Variants in PTPRD observed in about 807,000 individuals in gnomAD.
PTPRD encodes the protein receptor-type tyrosine-protein phosphatase delta.
PTPRD carries 34 observed loss-of-function variants against 214.5 expected under a neutral mutation model. That is an observed-to-expected ratio of 0.16 (90% CI 0.12 to 0.21). The LOEUF (loss-of-function observed/expected upper bound fraction) is 0.21, where lower values mean the gene tolerates loss of function less well. PTPRD is among the 10% of genes least tolerant of loss of function. The pLI is 1.00. For missense variants in PTPRD, 2,545 were observed against 2,398.7 expected, an observed-to-expected ratio of 1.06 and a Z score of -1.27; for synonymous variants, 1,128 against 845.7, an observed-to-expected ratio of 1.33 and a Z score of -5.79.
intron 8 of PTPRD, among the ~76,000 whole-genome samples, chr9:9,410,567 C>G (rs1483413949): frequency 6.6e-6 from 1 of 152,062 alleles, no homozygotes; most frequent in East Asian, 1.9e-4. Flanking sequence ...AGCCAGAACC[C>G]GACTATGAAT....
intron 12 of PTPRD, among the ~76,000 whole-genome samples, chr9:8,708,704 A>AAAAAAAAAAAAAAAAAAAAAAAAAAAAAC (rs748191308): frequency 8.1e-6 from 1 of 123,668 alleles, no homozygotes. Context: ...AAAAAAAAAA[A>AAAAAAAAAAAAAAAAAAAAAAAAAAAAAC]CAGAGCTACC....
chr9:8,540,285 T>C (rs187502701), intron 14 of PTPRD, among the ~76,000 whole-genome samples: 38 of 152,284 alleles, frequency 2.5e-4, no homozygotes, highest in Admixed American at 1.8e-3. Context: ...TTCTTAAATA[T>C]ATACTTTATT....
chr9:10,595,500 C>G (rs1296188580), intron 2 of PTPRD, among the ~76,000 whole-genome samples: 3 of 151,554 alleles, frequency 2.0e-5, no homozygotes, highest in Non-Finnish European at 3.0e-5. Context: ...GGTTGGTACA[C>G]CAAATAGGCT....
At chr9:8,659,246 A>C (rs1010773643) in intron 12 of PTPRD, among the ~76,000 whole-genome samples, 2 of 152,226 alleles carry the variant, frequency 1.3e-5, no homozygotes, top group African/African-American at 2.4e-5. Flanking sequence ...CTTCAAGTGA[A>C]TGCTGAGACA....
chr9:9,548,647 CA>C (rs1263249034), intron 8 of PTPRD, among the ~76,000 whole-genome samples: 2 of 151,518 alleles, frequency 1.3e-5, no homozygotes, highest in Non-Finnish European at 2.9e-5. Flanking sequence ...AGTAAAGACA[CA>C]AAAGAGTTAA....
At chr9:9,220,135 T>C (rs1055484198) in intron 9 of PTPRD, among the ~76,000 whole-genome samples, 1 of 151,998 alleles carries the variant, frequency 6.6e-6, no homozygotes, top group South Asian at 2.1e-4. Flanking sequence ...AATTAAATAT[T>C]TGGATGAAAA....
intron 10 of PTPRD, among the ~76,000 whole-genome samples, chr9:9,134,120 C>T (rs2099847181): frequency 1.7e-5 from 2 of 115,482 alleles, no homozygotes; most frequent in Non-Finnish European, 1.6e-5. Context: ...GGCTGGACTG[C>T]GGACTGCAGT....
intron 10 of PTPRD, among the ~76,000 whole-genome samples, chr9:9,105,674 G>T (rs1053099386): frequency 6.6e-6 from 1 of 152,144 alleles, no homozygotes; most frequent in African/African-American, 2.4e-5. Context: ...CTTGTATAAT[G>T]ATCTAGGAGA....
At chr9:10,129,326 T>A (rs953504016) in intron 3 of PTPRD, among the ~76,000 whole-genome samples, 1 of 152,112 alleles carries the variant, frequency 6.6e-6, no homozygotes, top group African/African-American at 2.4e-5. Context: ...TCTTTAATCA[T>A]CAAAATTTGT....
chr9:10,448,584 A>G (rs1000319094), intron 2 of PTPRD, among the ~76,000 whole-genome samples: 4 of 152,054 alleles, frequency 2.6e-5, no homozygotes, highest in Non-Finnish European at 4.4e-5. Flanking sequence ...GTAGTGGTTT[A>G]AACTTTACAT....
At chr9:10,197,540 A>G (rs1335383469) in intron 3 of PTPRD, among the ~76,000 whole-genome samples, 2 of 152,162 alleles carry the variant, frequency 1.3e-5, no homozygotes, top group Admixed American at 1.3e-4. Context: ...AGGGAACTAT[A>G]TCTCTGTAAG....
intron 21 of PTPRD, among the ~76,000 whole-genome samples, chr9:8,516,283 G>C (rs1483455952): frequency 6.6e-6 from 1 of 152,072 alleles, no homozygotes; most frequent in East Asian, 1.9e-4. Context: ...AATAAATACA[G>C]AAGTACTGCA....
intron 12 of PTPRD, among the ~76,000 whole-genome samples, chr9:8,723,056 G>A (rs1374103137): frequency 6.6e-6 from 1 of 152,052 alleles, no homozygotes; most frequent in Admixed American, 6.6e-5. Context: ...ATAAATAGAT[G>A]TCCCAATAAT....
At chr9:9,302,828 C>A (rs932997) in intron 9 of PTPRD, among the ~76,000 whole-genome samples, 13,166 of 151,654 alleles carry the variant, frequency 0.087, 566 homozygotes, top group Middle Eastern at 0.18. Flanking sequence ...TCTGATATTA[C>A]CATTTTCCTT....
chr9:9,713,129 T>A (rs868231368), intron 7 of PTPRD, among the ~76,000 whole-genome samples: 38 of 132,422 alleles, frequency 2.9e-4, no homozygotes, highest in African/African-American at 1.2e-3. Context: ...GATATCCACC[T>A]TTGGTTTTTT....
intron 3 of PTPRD, among the ~76,000 whole-genome samples, chr9:10,309,166 G>T (rs1328827235): frequency 6.6e-6 from 1 of 151,846 alleles, no homozygotes; most frequent in Non-Finnish European, 1.5e-5. Context: ...TCTCCATATT[G>T]ATCCTTCAAA....
chr9:9,175,622 C>CAAAAAAAAA (rs55707715), intron 10 of PTPRD, among the ~76,000 whole-genome samples: 2 of 45,272 alleles, frequency 4.4e-5, no homozygotes, highest in African/African-American at 1.8e-4. Flanking sequence ...GACTCTGTCT[C>CAAAAAAAAA]AAAAAAAAAA....
chr9:9,304,627 T>G (rs542637472), intron 9 of PTPRD, among the ~76,000 whole-genome samples: 50 of 151,628 alleles, frequency 3.3e-4, no homozygotes, highest in Admixed American at 2.6e-3. Context: ...CTCCAAATAT[T>G]AGTATCTTAT....
chr9:8,767,310 G>GT (rs1393064995), intron 11 of PTPRD, among the ~76,000 whole-genome samples: 13 of 151,828 alleles, frequency 8.6e-5, no homozygotes, highest in African/African-American at 3.1e-4. Context: ...TAGAGATGGG[G>GT]TTCACCATGT....
Sources: gnomAD v4.1 joint callset for allele counts (sites outside exome capture counted in the v4.1 genomes callset) on GRCh38, gnomAD v4.1.1 for gene constraint, MANE v1.5 for transcripts, NCBI Gene and HGNC (gene_info 2026-07-23, HGNC 2026-07-21) for gene names.